NUP214: variants seen among roughly 807,000 people sequenced by gnomAD.
NUP214 encodes the protein nuclear pore complex protein Nup214.
NUP214 carries 79 observed loss-of-function variants against 196.2 expected under a neutral mutation model. The ratio of observed to expected loss-of-function variants is 0.40; its 90% CI spans 0.34 to 0.49. NUP214 has a LOEUF of 0.49. Ranked by LOEUF, NUP214 falls within the 20% of genes least tolerant of loss-of-function variation. The pLI is 0.58. For synonymous variants in NUP214, 1,020 were observed against 990.5 expected (o/e 1.03, Z -0.56); for missense variants, 2,468 against 2,539.0 (o/e 0.97, Z 0.60).
intron 26 of NUP214, 151 bp from the exon 27 acceptor site, chr9:131,192,057 C>A: frequency 1.9e-6 from 1 of 515,638 alleles, no homozygotes; most frequent in East Asian, 3.2e-5. Context: ...GTGCTCACTC[C>A]CCATGGCCAC....
chr9:131,225,098 AAAAG>A (rs1480702419), intron 32 of NUP214, among the ~76,000 whole-genome samples: 1 of 152,064 alleles, frequency 6.6e-6, no homozygotes, highest in Admixed American at 6.5e-5. Flanking sequence ...CCCCATCTCT[AAAAG>A]AAAAAAGGAA....
chr9:131,128,605 G>GT, intron 3 of NUP214, 122 bp downstream of exon 3: 2 of 794,116 alleles, frequency 2.5e-6, no homozygotes, highest in Non-Finnish European at 1.9e-6. Context: ...TAAAATATGG[G>GT]TTAAAAAAAA....
chr9:131,196,050 A>G (rs1833779915), intron 28 of NUP214, among the ~76,000 whole-genome samples: 1 of 55,722 alleles, frequency 1.8e-5, no homozygotes, highest in South Asian at 6.8e-4. Context: ...GCGCCAAAAA[A>G]TCCATCAATA....
chr9:131,228,914 C>T (rs965912534), intron 33 of NUP214: 8 of 152,146 alleles, frequency 5.3e-5, no homozygotes, highest in African/African-American at 1.7e-4. Flanking sequence ...TTTAGGGAGT[C>T]GCTTTTAAGG....
In NUP214 at chr9:131,223,727, ATTTT is replaced by A. The variant is rs529624907; in HGVS notation, c.5902+819_5902+822del. Among the ~76,000 whole-genome samples, 13 of 15,660 alleles carry A rather than the reference ATTTT, an allele frequency of 8.3e-4. 1 individual carries two copies. The South Asian group carries it at 0.03, about 37-fold the overall frequency. The allele number at this position is 15,660 out of a possible 152,430, so 10.3% of individuals were successfully genotyped here. A position where few individuals can be genotyped will look rare whatever the true frequency, so the allele number is the denominator to read the frequency against. Reference sequence around the variant, plus strand: ...TTTTTTTATTTTTATTTATTTATTTATTTTTTTTTTTTTTTTTTTTTTTTTGAGA... The same window carrying A: ...TTTTTTTATTTTTATTTATTTATTTATTTTTTTTTTTTTTTTTTTTTGAGA... On this transcript the variant is annotated intron_variant, in intron 32 of 35. Coordinates refer to ENST00000359428, the MANE Select transcript of NUP214 (RefSeq NM_005085.4).
At position 131,204,669 on chromosome 9, in the gene NUP214, A is replaced by G. The variant is rs555369538; in HGVS notation, c.5592+2952A>G. Among the ~76,000 whole-genome samples, 34 of 152,344 alleles carry G rather than the reference A, an allele frequency of 2.2e-4. 1 individual carries two copies. The South Asian group carries it at 7.0e-3, about 32-fold the overall frequency. On this transcript the variant is annotated intron_variant, in intron 30 of 35. Coordinates refer to ENST00000359428, the MANE Select transcript of NUP214 (RefSeq NM_005085.4). Reference sequence around the variant, plus strand: ...TCACAGAGAGCGAAATGAAAGATACAAAAGAGAAAAAATCCTGTAGGAGAA... The same window carrying G: ...TCACAGAGAGCGAAATGAAAGATACGAAAGAGAAAAAATCCTGTAGGAGAA...
At chr9:131,221,634 C>A (rs896129165) in intron 31 of NUP214, among the ~76,000 whole-genome samples, 1 of 152,148 alleles carries the variant, frequency 6.6e-6, no homozygotes, top group Admixed American at 6.5e-5. Flanking sequence ...TGCTTGTGAA[C>A]ACCTGACTGG....
At chr9:131,191,927 C>T (rs1357210421) in intron 26 of NUP214, 1 of 254,500 alleles carries the variant, frequency 3.9e-6, no homozygotes, top group African/African-American at 2.2e-5. Context: ...TACATTTAAA[C>T]TATACTAGAA....
intron 30 of NUP214, among the ~76,000 whole-genome samples, chr9:131,211,648 T>G (rs577766952): frequency 6.6e-6 from 1 of 152,356 alleles, no homozygotes; most frequent in Non-Finnish European, 1.5e-5. Context: ...CTTTTGTAAT[T>G]TCTTACGCCT....
intron 11 of NUP214, 96 bp from the exon 12 acceptor site, chr9:131,144,184 T>C: frequency 1.0e-6 from 1 of 1,003,110 alleles, no homozygotes; most frequent in Non-Finnish European, 1.5e-6. Context: ...CATTTCTGGC[T>C]TTATTCTACC....
chr9:131,166,362 G>C (rs1283380886), intron 21 of NUP214, among the ~76,000 whole-genome samples: 1 of 152,136 alleles, frequency 6.6e-6, no homozygotes, highest in African/African-American at 2.4e-5. Context: ...CCTTACAAGT[G>C]AGATTTATGT....
chr9:131,153,905 A>G (rs561277241), intron 17 of NUP214, among the ~76,000 whole-genome samples: 1 of 152,366 alleles, frequency 6.6e-6, no homozygotes, highest in East Asian at 1.9e-4. Flanking sequence ...ATGTAAATGT[A>G]GTGTGGGATA....
At chr9:131,137,766 G>C (rs909836759) in intron 9 of NUP214, among the ~76,000 whole-genome samples, 2 of 151,966 alleles carry the variant, frequency 1.3e-5, no homozygotes, top group Admixed American at 1.3e-4. Context: ...GGCCAGGCTG[G>C]TCTCAAACTC....
intron 26 of NUP214, 80 bp downstream of exon 26, chr9:131,189,211 G>A: frequency 6.1e-6 from 7 of 1,144,440 alleles, no homozygotes; most frequent in Non-Finnish European, 9.2e-6. Flanking sequence ...CACTGAGACA[G>A]TTGCCATAGG....
rs1831610242 is a variant in NUP214, at chr9:131,133,171, C to T, written c.793C>T (p.Leu265=). 23 of 1,596,654 alleles carry T rather than the reference C, an allele frequency of 1.4e-5. No homozygotes were observed. Among genetic ancestry groups the T allele is most frequent in the Non-Finnish European group, 1.9e-5 (22 of 1,174,508 alleles). Reference sequence around the variant, plus strand: ...AGTGTATGCTGCTGCAGATGGGACCCTGGAAACGTCTCCAGATGTGGTGAT... The same window carrying T: ...AGTGTATGCTGCTGCAGATGGGACCTTGGAAACGTCTCCAGATGTGGTGAT... The part of the protein sequence containing the change: ...AIVYAAADGT[L]ETSPDVVMAL... The change falls in exon 7 of 36, where the codon CTG becomes TTG. Residue 265 remains leucine, a synonymous_variant. Coordinates refer to ENST00000359428, the MANE Select transcript of NUP214 (RefSeq NM_005085.4).
At chr9:131,143,436 T>C (rs182154062) in intron 11 of NUP214, among the ~76,000 whole-genome samples, 4 of 152,286 alleles carry the variant, frequency 2.6e-5, no homozygotes, top group African/African-American at 9.6e-5. Context: ...TACAGTTTTT[T>C]ATACAATGCC....
At chr9:131,193,624 C>CTTTTTTTTTTTTTTTTTT in intron 27 of NUP214, among the ~76,000 whole-genome samples, 1 of 17,664 alleles carries the variant, frequency 5.7e-5, no homozygotes, top group East Asian at 1.1e-3. Context: ...ATTCTTCTTC[C>CTTTTTTTTTTTTTTTTTT]TTTTCTTTTT....
At chr9:131,202,880 G>T (rs1833976636) in intron 30 of NUP214, among the ~76,000 whole-genome samples, 2 of 151,680 alleles carry the variant, frequency 1.3e-5, no homozygotes, top group Non-Finnish European at 2.9e-5. Context: ...TATGTAGCTA[G>T]CAGTTATCTA....
At chr9:131,220,181 G>C (rs993300955) in intron 31 of NUP214, among the ~76,000 whole-genome samples, 6 of 152,158 alleles carry the variant, frequency 3.9e-5, no homozygotes, top group African/African-American at 1.4e-4. Flanking sequence ...TTACTGGATA[G>C]TTTATTTACA....
Sources: gnomAD v4.1 joint callset for allele counts (sites outside exome capture counted in the v4.1 genomes callset) on GRCh38, gnomAD v4.1.1 for gene constraint, MANE v1.5 for transcripts, NCBI Gene and HGNC (gene_info 2026-07-23, HGNC 2026-07-21) for gene names.